DISP3: variants seen among roughly 807,000 people sequenced by gnomAD.
DISP3 encodes the protein dispatched RND transporter family member 3, also known as protein dispatched homolog 3.
DISP3 carries 101 observed loss-of-function variants against 135.3 expected under a neutral mutation model. That is an observed-to-expected ratio of 0.75 (90% CI 0.64 to 0.88). The LOEUF (loss-of-function observed/expected upper bound fraction) is 0.88, where lower values mean the gene tolerates loss of function less well. Among genes scored for constraint, DISP3 ranks in the 40% least tolerant of loss-of-function variants. DISP3 has a pLI of 0.00. For synonymous variants in DISP3, 856 were observed against 817.0 expected, an observed-to-expected ratio of 1.05 and a Z score of -0.81; for missense variants, 1,713 against 1,878.6, an observed-to-expected ratio of 0.91 and a Z score of 1.63.
intron 13 of DISP3, among the ~76,000 whole-genome samples, chr1:11,528,193 A>G (rs1642478712): frequency 6.6e-6 from 1 of 152,182 alleles, no homozygotes; most frequent in Non-Finnish European, 1.5e-5. Context: ...TGCTGGAAGG[A>G]GAGCGAGGGG....
intron 10 of DISP3, among the ~76,000 whole-genome samples, chr1:11,522,881 A>G (rs376986111): frequency 0.073 from 1,989 of 27,078 alleles, no homozygotes; most frequent in African/African-American, 0.14. Context: ...GCCCAGCCAG[A>G]GCCCAGCCAG....
chr1:11,534,257 G>T, intron 17 of DISP3, 124 bp from the exon 18 acceptor site: 1 of 1,215,766 alleles, frequency 8.2e-7, no homozygotes, highest in East Asian at 2.4e-5. Flanking sequence ...TTGAATCGTT[G>T]TTCACACCCT....
intron 13 of DISP3, among the ~76,000 whole-genome samples, chr1:11,527,123 T>C (rs1008606745): frequency 9.9e-5 from 15 of 152,224 alleles, no homozygotes; most frequent in Middle Eastern, 3.4e-3. Flanking sequence ...TTAGTAGAGA[T>C]GGGGTTTTGC....
rs147797518 is a variant in DISP3, at chr1:11,533,302, C to T, written c.3376-1079C>T. Among the ~76,000 whole-genome samples, 209 of 143,658 alleles carry T rather than the reference C, an allele frequency of 1.5e-3. 1 individual carries two copies. In the South Asian group the frequency reaches 0.017, roughly 12 times the overall value. 94.2% of individuals were successfully genotyped at this position (143,658 alleles called of 152,430 possible). A position where few individuals can be genotyped will look rare whatever the true frequency, so the allele number is the denominator to read the frequency against. On this transcript the variant is annotated intron_variant, in intron 17 of 20. Transcript: ENST00000294484. ...ATGGAGTTTCACTCTGTCACCCAGG[C>T]TGGAGTGCAGTTGCGCAATCTTGGC...
intron 1 of DISP3, among the ~76,000 whole-genome samples, chr1:11,489,800 T>C (rs971973362): frequency 6.6e-6 from 1 of 152,192 alleles, no homozygotes; most frequent in African/African-American, 2.4e-5. Flanking sequence ...GATCCCCTGC[T>C]TCCTCCACCT....
intron 1 of DISP3, among the ~76,000 whole-genome samples, chr1:11,481,038 TTCTCTCTCTC>T (rs368929945): frequency 7.7e-6 from 1 of 129,740 alleles, no homozygotes; most frequent in African/African-American, 3.1e-5. Flanking sequence ...TCCCCCAGGT[TTCTCTCTCTC>T]TCTCTCTCTC....
At chr1:11,532,919 G>A (rs937147808) in intron 17 of DISP3, among the ~76,000 whole-genome samples, 35 of 151,560 alleles carry the variant, frequency 2.3e-4, no homozygotes, top group African/African-American at 7.8e-4. Flanking sequence ...TTGGCCAGGC[G>A]GGTCTCGAAC....
chr1:11,497,932 C>A (rs1217493789), intron 1 of DISP3, among the ~76,000 whole-genome samples: 3 of 152,226 alleles, frequency 2.0e-5, no homozygotes, highest in Admixed American at 6.5e-5. Context: ...ACTGCCCCCC[C>A]TCCCCAAGGG....
intron 1 of DISP3, among the ~76,000 whole-genome samples, chr1:11,492,388 T>G (rs1340861237): frequency 6.6e-6 from 1 of 152,124 alleles, no homozygotes; most frequent in Non-Finnish European, 1.5e-5. Context: ...GTTTGCCTGA[T>G]AAATATTGAG....
Position 11,491,801 on chromosome 1 carries a change from G to A in DISP3, c.-3-9189G>A, listed in dbSNP as rs1641190961. 6.6e-6 allele frequency among the ~76,000 whole-genome samples: 1 copy of A among 152,118 alleles called. No individual in the cohort carries two copies. The highest frequency in any genetic ancestry group is 2.1e-4 in the South Asian group (1 of 4,828). ...GACTTGGGGACCTGCCTACAGCAGG[G>A]GCCAGTCCTGGGCTCTGGCTGGCTA... On this transcript the variant is annotated intron_variant, in intron 1 of 20. Transcript: ENST00000294484. This position sits in a 1 kb window ranked among gnomAD's most constrained non-coding sequence, Gnocchi z 4.3.
rs1642510654 is a variant in DISP3, at chr1:11,529,308, G to C, written c.2799-248G>C. Among the ~76,000 whole-genome samples the C allele has an allele frequency of 6.6e-6, 1 of 152,128 alleles. No individual in the cohort carries two copies. The highest frequency in any genetic ancestry group is 1.5e-5 in the Non-Finnish European group (1 of 68,010). ...TCCTATGGGGAGACTGAGACCCAGA[G>C]GGGCAGGGCCTTTACTAGGTTCCCA... On this transcript the variant is annotated intron_variant, in intron 13 of 20. Transcript: ENST00000294484. This position sits in a 1 kb window ranked among gnomAD's most constrained non-coding sequence, Gnocchi z 4.7.
chr1:11,529,678 G>C lies in DISP3; in HGVS notation c.2921G>C (p.Ser974Thr), dbSNP rs375679898. 1.2e-6 allele frequency: 2 copies of C among 1,605,944 alleles called. No homozygotes were observed. The highest frequency in any genetic ancestry group is 2.7e-5 in the African/African-American group (2 of 74,760). ...ACCAAAGGCTTCTTCTTCGTGCCTA[G>C]TGAGAAAGGTACGGCAAGGGCACAC... ...GPTKGFFFVPSEKVPKARLSA... is the reference protein window; with the variant it reads ...GPTKGFFFVPTEKVPKARLSA... The change falls in exon 14 of 21, where the codon AGT (serine) becomes ACT (threonine). Residue 974 changes from serine to threonine, a missense_variant. By Grantham distance (58) the Ser-to-Thr change is moderately conservative (BLOSUM62 1). Around this residue, in one of 2 missense-constraint regions of DISP3, gnomAD observed 1,142 missense variants for 1,384.6 expected, o/e 0.82. Transcript: ENST00000294484. The surrounding 1 kb of genome is among the most constrained non-coding windows in gnomAD (Gnocchi z 4.7).
chr1:11,501,689 C>T lies in DISP3; in HGVS notation c.697C>T (p.Gln233Ter), dbSNP rs1280246021. 6.2e-7 allele frequency: 1 copy of T among 1,604,128 alleles called. No homozygotes were observed. Among genetic ancestry groups the T allele is most frequent in the Non-Finnish European group, 8.5e-7 (1 of 1,176,022 alleles). ...NQRLSKNGRYQPSIPPHAAVA... is the reference protein window; with the variant it reads ...NQRLSKNGRY The stretch of plus-strand genomic sequence containing the variant: ...GCGGCTGAGCAAGAATGGGCGGTAC[C>T]AGCCCAGCATCCCGCCCCACGCGGC... Residue 233 changes from glutamine (Q) to a stop codon, truncating the protein, a stop_gained, in exon 2 of 21, where the codon CAG becomes TAG. Transcript: ENST00000294484. LOFTEE classifies it high-confidence loss of function. This position sits in a 1 kb window ranked among gnomAD's most constrained non-coding sequence, Gnocchi z 4.9.
At position 11,501,624 on chromosome 1, in the gene DISP3, A is replaced by G. The variant is rs1326793044; in HGVS notation, c.632A>G (p.Glu211Gly). Residue 211 changes from glutamate (E) to glycine (G), a missense_variant, in exon 2 of 21, where the codon GAG becomes GGG. Transcript: ENST00000294484. The surrounding 1 kb of genome is among the most constrained non-coding windows in gnomAD (Gnocchi z 4.9). ...CTTCGGCGTGAGACCCCGCCCCTGG[A>G]GGATCTGGCAGCCAACCAGAGTGAA... The part of the protein sequence containing the change: ...GRLRRETPPL[E>G]DLAANQSEDP... 5.6e-6 allele frequency: 9 copies of G among 1,607,964 alleles called. No individual in the cohort carries two copies. Among genetic ancestry groups the G allele is most frequent in the Non-Finnish European group, 6.8e-6 (8 of 1,177,388 alleles).
chr1:11,500,180 C>T (rs1641462238), intron 1 of DISP3, among the ~76,000 whole-genome samples: 1 of 152,226 alleles, frequency 6.6e-6, no homozygotes. Flanking sequence ...GTGGCCCGAG[C>T]CTGACAAACA....
intron 1 of DISP3, among the ~76,000 whole-genome samples, chr1:11,498,724 A>T (rs992550720): frequency 6.6e-6 from 1 of 152,196 alleles, no homozygotes; most frequent in Non-Finnish European, 1.5e-5. Flanking sequence ...ATGAAAGAAT[A>T]GTAGCTGTCA....
intron 10 of DISP3, among the ~76,000 whole-genome samples, chr1:11,522,403 G>T (rs1167600941): frequency 6.6e-6 from 1 of 152,086 alleles, no homozygotes; most frequent in Non-Finnish European, 1.5e-5. Flanking sequence ...GCCAGCCCTG[G>T]CCACGTCCCC....
rs765727971 is a variant in DISP3 at position 11,523,898 on chromosome 1, A to ATGTCCTGC, written c.2363-29_2363-22dup. The ATGTCCTGC allele has an allele frequency of 8.6e-5, 131 of 1,529,100 alleles. 3 individuals are homozygous for ATGTCCTGC. The South Asian group carries it at 1.2e-3, about 14-fold the overall frequency. The allele number at this position is 1,529,100 out of a possible 1,614,324, so 94.7% of individuals were successfully genotyped here. A position where few individuals can be genotyped will look rare whatever the true frequency, so the allele number is the denominator to read the frequency against. The stretch of plus-strand genomic sequence containing the variant: ...CTCTGCCCATCGGGCCCAGGCCAGG[A>ATGTCCTGC]TGTCCTGCTGTCCTGCTGTCCTTGA... On this transcript the variant is annotated intron_variant, in intron 10 of 20. Transcript: ENST00000294484.
At chr1:11,515,340 C>G (rs778244820) in intron 4 of DISP3, 29 bp from the exon 5 acceptor site, 1 of 1,613,664 alleles carries the variant, frequency 6.2e-7, no homozygotes, top group Non-Finnish European at 8.5e-7. Flanking sequence ...GTCCCCCCAC[C>G]GTCTCCCTGT....
Sources: allele counts gnomAD v4.1 joint callset (sites outside exome capture counted in the v4.1 genomes callset), GRCh38; gene constraint gnomAD v4.1.1; regional missense constraint gnomAD v4.1.1; non-coding constraint Gnocchi (gnomAD v3.1); transcripts MANE v1.5; gene names NCBI Gene and HGNC (gene_info 2026-07-23, HGNC 2026-07-21).